NOP9: variants seen among roughly 807,000 people sequenced by gnomAD.
The protein encoded by NOP9 is NOP9 nucleolar protein, also known as nucleolar protein 9.
In NOP9, 50 loss-of-function variants were observed where a neutral mutation model predicts 63.0. The observed-to-expected ratio is 0.79, with a 90% CI of 0.63 to 1.00. The LOEUF (loss-of-function observed/expected upper bound fraction) is 1.00. NOP9 is among the 50% of genes least tolerant of loss of function. The probability of loss-of-function intolerance (pLI) is 0.00; values close to 1 mark genes in which losing one functional copy is unlikely to be tolerated. For synonymous variants in NOP9, 343 were observed against 332.8 expected (o/e 1.03, Z -0.33); for missense variants, 758 against 803.0 (o/e 0.94, Z 0.68).
At position 24,302,400 on chromosome 14, in the gene NOP9, G is replaced by A. The variant is rs749012583; in HGVS notation, c.1119G>A (p.Leu373=). 58 of 1,612,696 alleles carry A rather than the reference G, an allele frequency of 3.6e-5. No individual in the cohort carries two copies. The highest frequency in any genetic ancestry group is 4.7e-5 in the Non-Finnish European group (55 of 1,179,144). Residue 373 remains leucine (L), a synonymous_variant, in exon 5 of 10, where the codon CTG becomes CTA. Coordinates refer to ENST00000267425, the MANE Select transcript of NOP9 (RefSeq NM_174913.3). ...CCAACTTCCCTTTGCAGCGCTTACT[G>A]GATGCAGTCACTACCCCTGAGCTGG... ...PIANFPLQRL[L]DAVTTPELLS...
At position 24,303,174 on chromosome 14, in the gene NOP9, T is replaced by C; in HGVS notation, c.1244T>C (p.Val415Ala). The C allele has an allele frequency of 1.2e-6, 2 of 1,613,958 alleles. No individual in the cohort carries two copies. The highest frequency in any genetic ancestry group is 1.7e-6 in the Non-Finnish European group (2 of 1,179,982). ...GCCCTGGTGGGGGCCTGTCGCAGAG[T>C]TGGGGCCTACCAAGCCAAGGTCCTA... Reference protein sequence around the residue: ...VIALVGACRRVGAYQAKVLQL... With the variant: ...VIALVGACRRAGAYQAKVLQL... Residue 415 changes from valine to alanine, a missense_variant, in exon 6 of 10, where the codon GTT becomes GCT. Transcript: ENST00000267425.
chr14:24,275,250 CT>C, the NOP9 span, among the ~76,000 whole-genome samples: 1 of 152,190 alleles, frequency 6.6e-6, no homozygotes, highest in Non-Finnish European at 1.5e-5. Context: ...GAGATTTTTA[CT>C]GCCCTCTATG....
Position 24,306,291 on chromosome 14 carries a change from A to G in NOP9, c.*1196A>G. ...ACAACTCCTCCTGCACCTGGTCCCC[A>G]GGATCAGGGTTAAGCTAGAGAGGAA... On this transcript the variant is annotated 3_prime_UTR_variant, in exon 10 of 10. Transcript: ENST00000267425. 1 of 1,574,044 alleles carries G rather than the reference A, an allele frequency of 6.4e-7. No individual in the cohort carries two copies. The highest frequency in any genetic ancestry group is 1.1e-5 in the South Asian group (1 of 88,928).
In NOP9 at chr14:24,307,274, G is replaced by A. The variant is rs1358277802; in HGVS notation, c.*2179G>A. The A allele has an allele frequency of 6.0e-6, 8 of 1,339,872 alleles. No homozygotes were observed. The highest frequency in any genetic ancestry group is 8.3e-6 in the Non-Finnish European group (8 of 967,828). The allele number at this position is 1,339,872 out of a possible 1,614,324, so 83.0% of individuals were successfully genotyped here. ...AGCCCTCAGAGGGAGGGGCAGCTGT[G>A]TGACTTCAGCCCTCTGCTCCATCAT... On this transcript the variant is annotated 3_prime_UTR_variant, in exon 10 of 10. Coordinates refer to ENST00000267425, the MANE Select transcript of NOP9 (RefSeq NM_174913.3).
rs1428786355 is a variant in NOP9 at position 24,305,202 on chromosome 14, T to C, written c.*107T>C. 8.7e-7 allele frequency: 1 copy of C among 1,149,994 alleles called. No individual in the cohort carries two copies. Among genetic ancestry groups the C allele is most frequent in the Non-Finnish European group, 1.2e-6 (1 of 863,556 alleles). 71.2% of individuals were successfully genotyped at this position (1,149,994 alleles called of 1,614,324 possible). The stretch of plus-strand genomic sequence containing the variant: ...GTCAGAAGTCTTAGTGGTAAATATT[T>C]GATATTTTTATTGGAAATGTTTTTG... On this transcript the variant is annotated 3_prime_UTR_variant, in exon 10 of 10. Coordinates refer to ENST00000267425, the MANE Select transcript of NOP9 (RefSeq NM_174913.3).
chr14:24,300,457 T>G lies in NOP9; in HGVS notation c.297T>G (p.Ala99=), dbSNP rs11158632. The change falls in exon 2 of 10, where the codon GCT becomes GCG. Residue 99 remains alanine (A), a synonymous_variant. Transcript: ENST00000267425. ...IMKEVETQAL[A]LSTNRTGSEM... ...AGGAAGTAGAGACTCAGGCCCTAGC[T>G]TTGTCCACGAACAGGACTGGCAGTG... The G allele has an allele frequency of 0.2, 315,747 of 1,613,746 alleles. 33,833 individuals are homozygous for G. The highest frequency in any genetic ancestry group is 0.35 in the Admixed American group (21,024 of 60,002).
At position 24,307,639 on chromosome 14, in the gene NOP9, G is replaced by A. The variant is rs1316015412; in HGVS notation, c.*2544G>A. The A allele has an allele frequency of 2.4e-6, 3 of 1,266,264 alleles. No homozygotes were observed. Among genetic ancestry groups the A allele is most frequent in the African/African-American group, 3.0e-5 (2 of 67,250 alleles). The allele number at this position is 1,266,264 out of a possible 1,614,324, so 78.4% of individuals were successfully genotyped here. On this transcript the variant is annotated 3_prime_UTR_variant, in exon 10 of 10. Transcript: ENST00000267425. ...AGATCTAGGTTTATCGATTAGGGAT[G>A]AGGGAGAGACCATGGAGTGCAGGTG...
At chr14:24,275,727 A>G in the NOP9 span, among the ~76,000 whole-genome samples, 2 of 152,210 alleles carry the variant, frequency 1.3e-5, no homozygotes, top group African/African-American at 2.4e-5. Flanking sequence ...GTCTGACGGC[A>G]GGGGGAGCAA....
chr14:24,291,054 A>G, the NOP9 span: 1 of 1,612,646 alleles, frequency 6.2e-7, no homozygotes, highest in Non-Finnish European at 8.5e-7. Flanking sequence ...AGATACCCTC[A>G]CCTTGGCTGG....
the NOP9 span, chr14:24,292,694 C>T: frequency 6.2e-7 from 1 of 1,614,252 alleles, no homozygotes; most frequent in Non-Finnish European, 8.5e-7. Context: ...ACATATACTG[C>T]AGGCTTCCTG....
At chr14:24,299,099 G>A (rs1344016359), upstream of NOP9, 3 of 1,612,554 alleles carry the variant, frequency 1.9e-6, no homozygotes, top group African/African-American at 2.7e-5. Flanking sequence ...ATTCATGGGA[G>A]CTGCCATGAC....
Position 24,308,061 on chromosome 14 carries a change from G to T in NOP9, c.*2966G>T. ...GGAGGGATGAGGGAGGGGCCAGATG[G>T]GGTCCTGGAGGAAGAATTGCCTGGC... On this transcript the variant is annotated 3_prime_UTR_variant, in exon 10 of 10. Coordinates refer to ENST00000267425, the MANE Select transcript of NOP9 (RefSeq NM_174913.3). 2 of 602,248 alleles carry T rather than the reference G, an allele frequency of 3.3e-6. No individual in the cohort carries two copies. Among genetic ancestry groups the T allele is most frequent in the South Asian group, 2.0e-5 (1 of 51,110 alleles). 37.3% of individuals were successfully genotyped at this position (602,248 alleles called of 1,614,324 possible).
Position 24,299,862 on chromosome 14 carries a change from A to G in NOP9, c.-93A>G, listed in dbSNP as rs773499380. 2 of 1,441,066 alleles carry G rather than the reference A, an allele frequency of 1.4e-6. No individual in the cohort carries two copies. The highest frequency in any genetic ancestry group is 1.8e-6 in the Non-Finnish European group (2 of 1,094,190). 89.3% of individuals were successfully genotyped at this position (1,441,066 alleles called of 1,614,324 possible). Reference sequence around the variant, plus strand: ...GCGTCAGGAGCGCGCCCGCGTTTCTAAACTTTGTCTGGATAAGGCGCACGC... The same window carrying G: ...GCGTCAGGAGCGCGCCCGCGTTTCTGAACTTTGTCTGGATAAGGCGCACGC... On this transcript the variant is annotated 5_prime_UTR_variant, in exon 1 of 10. Transcript: ENST00000267425.
In NOP9 at chr14:24,306,843, C is replaced by T. The variant is rs953517023; in HGVS notation, c.*1748C>T. 5 of 399,866 alleles carry T rather than the reference C, an allele frequency of 1.3e-5. No homozygotes were observed. Among genetic ancestry groups the T allele is most frequent in the African/African-American group, 8.1e-5 (4 of 49,478 alleles). 24.8% of individuals were successfully genotyped at this position (399,866 alleles called of 1,614,324 possible). ...CCACCCTTCTGTCTTATCTACAATG[C>T]TGCACCTCACTTCCCACACCCTCAA... On this transcript the variant is annotated 3_prime_UTR_variant, in exon 10 of 10. Transcript: ENST00000267425.
chr14:24,283,043 C>G, the NOP9 span, among the ~76,000 whole-genome samples: 1 of 152,242 alleles, frequency 6.6e-6, no homozygotes, highest in Non-Finnish European at 1.5e-5. Context: ...GTCCAAACCT[C>G]TGAACTAAGA....
chr14:24,293,974 A>G, the NOP9 span: 1 of 152,262 alleles, frequency 6.6e-6, no homozygotes, highest in African/African-American at 2.4e-5. Context: ...TTACGAAAGG[A>G]ACCTGTCAAA....
chr14:24,299,236 A>G, upstream of NOP9: 1 of 1,106,382 alleles, frequency 9.0e-7, no homozygotes, highest in Non-Finnish European at 1.3e-6. Flanking sequence ...AGGAGGAGCC[A>G]AGGTAAGAAT....
chr14:24,273,047 T>C, the NOP9 span, among the ~76,000 whole-genome samples: 38 of 152,370 alleles, frequency 2.5e-4, no homozygotes, highest in East Asian at 7.1e-3. Flanking sequence ...GGAGCCTTTA[T>C]GAGGTTCAGG....
rs781159717 is a variant in NOP9 at position 24,303,764 on chromosome 14, A to G, written c.1317A>G (p.Gln439=). Residue 439 remains glutamine (Q), a synonymous_variant, in exon 7 of 10, where the codon CAA becomes CAG. Transcript: ENST00000267425. ...AFHCAEPSSR[Q]VACVPLFATL... ...ACTGTGCAGAGCCCTCATCCCGGCA[A>G]GTGGCCTGTGTGCCTCTCTTTGCCA... 4.3e-6 allele frequency: 7 copies of G among 1,614,148 alleles called. No individual in the cohort carries two copies. Among genetic ancestry groups the G allele is most frequent in the South Asian group, 3.3e-5 (3 of 91,078 alleles).
Sources: gnomAD v4.1 joint callset for allele counts (sites outside exome capture counted in the v4.1 genomes callset) on GRCh38, gnomAD v4.1.1 for gene constraint, MANE v1.5 for transcripts, NCBI Gene and HGNC (gene_info 2026-07-23, HGNC 2026-07-21) for gene names.